The following TBC1D32 variants were observed in gnomAD, a reference collection of about 807,000 sequenced individuals.
TBC1D32 encodes protein broad-minded.
In TBC1D32, 151 loss-of-function variants were observed where a neutral mutation model predicts 170.3. The ratio of observed to expected loss-of-function variants is 0.89; its 90% CI spans 0.78 to 1.01. TBC1D32 has a LOEUF of 1.01. Among genes scored for constraint, TBC1D32 ranks in the 50% least tolerant of loss-of-function variants. The probability of loss-of-function intolerance (pLI) is 0.00; values close to 1 mark genes in which losing one functional copy is unlikely to be tolerated. For synonymous variants in TBC1D32, 498 were observed against 488.0 expected (o/e 1.02, Z -0.27); for missense variants, 1,464 against 1,457.1 (o/e 1.00, Z -0.08).
chr6:121,224,861 T>C (rs9387932), intron 20 of TBC1D32, among the ~76,000 whole-genome samples: 130,667 of 152,058 alleles, frequency 0.86, 56,803 homozygotes, highest in Middle Eastern at 0.95. Flanking sequence ...ATTGAAATCA[T>C]CCTTATTTTT....
chr6:121,323,679 C>A (rs1307481465), intron 1 of TBC1D32, among the ~76,000 whole-genome samples: 1 of 152,210 alleles, frequency 6.6e-6, no homozygotes, highest in Admixed American at 6.5e-5. Flanking sequence ...CAGTGACTCA[C>A]GCCTGTGATC....
At chr6:121,096,840 A>G (rs887297440) in intron 30 of TBC1D32, among the ~76,000 whole-genome samples, 3 of 152,172 alleles carry the variant, frequency 2.0e-5, no homozygotes, top group African/African-American at 7.2e-5. Flanking sequence ...TAGTGGTACC[A>G]AAACAGATAT....
intron 15 of TBC1D32, among the ~76,000 whole-genome samples, chr6:121,265,614 G>A (rs36147414): frequency 2.0e-5 from 3 of 151,086 alleles, no homozygotes; most frequent in Non-Finnish European, 4.4e-5. Context: ...AGCCCATATA[G>A]CCAAGTCAAT....
At chr6:121,161,183 G>A in intron 22 of TBC1D32, 127 bp from the exon 23 acceptor site, 1 of 710,892 alleles carries the variant, frequency 1.4e-6, no homozygotes, top group Non-Finnish European at 2.3e-6. Flanking sequence ...TTTCTTTACT[G>A]CATTTAGCAT....
At chr6:121,175,707 G>A (rs1787672571) in intron 22 of TBC1D32, among the ~76,000 whole-genome samples, 1 of 152,048 alleles carries the variant, frequency 6.6e-6, no homozygotes, top group African/African-American at 2.4e-5. Context: ...TCTTTAATTT[G>A]ATTTTTTAGA....
intron 24 of TBC1D32, among the ~76,000 whole-genome samples, chr6:121,134,048 C>T (rs921140042): frequency 2.0e-5 from 3 of 151,834 alleles, no homozygotes; most frequent in African/African-American, 2.4e-5. Context: ...AGACTTAATT[C>T]GACATTATTG....
chr6:121,148,758 C>G (rs1006555783), intron 24 of TBC1D32, among the ~76,000 whole-genome samples: 3 of 152,062 alleles, frequency 2.0e-5, no homozygotes, highest in African/African-American at 7.2e-5. Flanking sequence ...GGATTACAGG[C>G]ATGTGCCACC....
intron 21 of TBC1D32, among the ~76,000 whole-genome samples, chr6:121,220,244 T>G (rs151042039): frequency 9.8e-4 from 149 of 152,306 alleles, no homozygotes; most frequent in Non-Finnish European, 1.8e-3. Flanking sequence ...AGCCAAGTTG[T>G]GCATGCAAAG....
chr6:121,273,019 A>T (rs541183947), intron 15 of TBC1D32, among the ~76,000 whole-genome samples: 113 of 152,214 alleles, frequency 7.4e-4, no homozygotes, highest in Non-Finnish European at 9.9e-4. Context: ...AGAAAAAACC[A>T]AACACTGCAT....
chr6:121,227,404 TG>T (rs1562981075), intron 20 of TBC1D32, among the ~76,000 whole-genome samples: 3 of 152,116 alleles, frequency 2.0e-5, no homozygotes, highest in Non-Finnish European at 2.9e-5. Flanking sequence ...TAAATAAAAG[TG>T]GTAAGAGTCA....
At chr6:121,265,087 T>C (rs1041847797) in intron 15 of TBC1D32, among the ~76,000 whole-genome samples, 2 of 152,072 alleles carry the variant, frequency 1.3e-5, no homozygotes, top group African/African-American at 4.8e-5. Flanking sequence ...TAGAAACAAA[T>C]AAAGGGTATT....
Position 121,160,929 on chromosome 6 carries a change from C to T in TBC1D32, c.2679+19G>A. 1.3e-6 allele frequency: 2 copies of T among 1,595,710 alleles called. No homozygotes were observed. Among genetic ancestry groups the T allele is most frequent in the South Asian group, 1.1e-5 (1 of 90,500 alleles). Reference sequence around the variant, plus strand: ...TATGTCAGAAAAACACATCCCACTTCTCTTTGCCCCACACTCACCTTTTCG... The same window carrying T: ...TATGTCAGAAAAACACATCCCACTTTTCTTTGCCCCACACTCACCTTTTCG... On this transcript the variant is annotated intron_variant, in intron 23 of 31. Coordinates refer to ENST00000398212, the MANE Select transcript of TBC1D32 (RefSeq NM_152730.6).
intron 22 of TBC1D32, among the ~76,000 whole-genome samples, chr6:121,169,720 G>A (rs189544821): frequency 6.6e-6 from 1 of 152,044 alleles, no homozygotes; most frequent in African/African-American, 2.4e-5. Context: ...AAAAAACCTA[G>A]AGTATCAAGT....
chr6:121,297,570 G>C lies in TBC1D32; in HGVS notation c.1140+1876C>G, dbSNP rs1266926152. Among the ~76,000 whole-genome samples the C allele has an allele frequency of 2.0e-5, 3 of 151,998 alleles. No homozygotes were observed. The East Asian group carries it at 5.8e-4, about 29-fold the overall frequency. On this transcript the variant is annotated intron_variant, in intron 10 of 31. Transcript: ENST00000398212. ...GGCCGACAGCCAAAACTTTTAACCAGTTCATGTCTTTCAGATTCTATGGGA... is the reference window on the plus strand; with the variant it reads ...GGCCGACAGCCAAAACTTTTAACCACTTCATGTCTTTCAGATTCTATGGGA...
At chr6:121,284,160 CA>C (rs1167573505) in intron 12 of TBC1D32, among the ~76,000 whole-genome samples, 1 of 152,048 alleles carries the variant, frequency 6.6e-6, no homozygotes, top group Admixed American at 6.6e-5. Flanking sequence ...TCGAACCAAT[CA>C]CTTAAGATAA....
intron 5 of TBC1D32, among the ~76,000 whole-genome samples, chr6:121,305,055 C>G (rs1563327136): frequency 6.6e-6 from 1 of 152,074 alleles, no homozygotes; most frequent in Non-Finnish European, 1.5e-5. Context: ...AAAGCTATTA[C>G]TGCACAATCC....
intron 29 of TBC1D32, among the ~76,000 whole-genome samples, chr6:121,106,516 C>T (rs1298615167): frequency 2.0e-5 from 3 of 151,976 alleles, no homozygotes. Context: ...TAATACTTTA[C>T]ATTTTAATAC....
chr6:121,198,329 A>G (rs1163068682), intron 22 of TBC1D32, among the ~76,000 whole-genome samples: 1 of 145,548 alleles, frequency 6.9e-6, no homozygotes, highest in Non-Finnish European at 1.5e-5. Context: ...CCTCTAAGGA[A>G]CTCTGACTAA....
At position 121,115,201 on chromosome 6, in the gene TBC1D32, C is replaced by T; in HGVS notation, c.3024G>A (p.Val1008=). Residue 1008 remains valine (V), a synonymous_variant, in exon 27 of 32, where the codon GTG becomes GTA. Coordinates refer to ENST00000398212, the MANE Select transcript of TBC1D32 (RefSeq NM_152730.6). ...ANVKNESLSS[V]QQLGIKMTVR... ...CAGTCATTTTAATGCCAAGCTGCTG[C>T]ACAGATGAAAGACTTTCATTCTTCA... The T allele has an allele frequency of 1.2e-6, 2 of 1,602,658 alleles. No homozygotes were observed. The highest frequency in any genetic ancestry group is 1.7e-6 in the Non-Finnish European group (2 of 1,173,240).
Sources: gnomAD v4.1 joint callset for allele counts (sites outside exome capture counted in the v4.1 genomes callset) on GRCh38, gnomAD v4.1.1 for gene constraint, MANE v1.5 for transcripts, NCBI Gene and HGNC (gene_info 2026-07-23, HGNC 2026-07-21) for gene names.